Variants in CADPS observed in about 807,000 individuals in gnomAD.
CADPS encodes the protein calcium dependent secretion activator, also known as calcium-dependent secretion activator 1.
A neutral mutation model predicts 167.3 loss-of-function variants in CADPS; 57 were observed. The ratio of observed to expected loss-of-function variants is 0.34; its 90% CI spans 0.28 to 0.42. The LOEUF is 0.42. Ranked by LOEUF, CADPS falls within the 20% of genes least tolerant of loss-of-function variation. CADPS has a pLI of 1.00. For missense variants in CADPS, 1,414 were observed against 1,738.1 expected, an observed-to-expected ratio of 0.81 and a Z score of 3.32; for synonymous variants, 676 against 635.3, an observed-to-expected ratio of 1.06 and a Z score of -0.96.
intron 3 of CADPS, among the ~76,000 whole-genome samples, chr3:62,675,083 C>T (rs1477358128): frequency 6.6e-6 from 1 of 152,060 alleles, no homozygotes; most frequent in East Asian, 1.9e-4. Context: ...TTATGGGGGA[C>T]TCTCTTCCAC....
At chr3:62,748,208 T>C (rs1375561363) in intron 3 of CADPS, among the ~76,000 whole-genome samples, 1 of 144,810 alleles carries the variant, frequency 6.9e-6, no homozygotes, top group Middle Eastern at 3.6e-3. Context: ...TAGCCGGGCA[T>C]GGTGGCAGGC....
At chr3:62,442,648 C>T (rs75189942) in intron 27 of CADPS, among the ~76,000 whole-genome samples, 5,829 of 152,204 alleles carry the variant, frequency 0.038, 175 homozygotes, top group Non-Finnish European at 0.054. Context: ...TCATTGAAGG[C>T]GGAGTTGGAG....
intron 3 of CADPS, among the ~76,000 whole-genome samples, chr3:62,710,642 A>T (rs9823880): frequency 4.0e-5 from 6 of 151,782 alleles, no homozygotes; most frequent in African/African-American, 9.7e-5. Flanking sequence ...AGTTTTAAAA[A>T]CTCCCCAGGT....
chr3:62,488,260 A>T (rs573035692), intron 21 of CADPS, among the ~76,000 whole-genome samples: 1 of 152,322 alleles, frequency 6.6e-6, no homozygotes, highest in South Asian at 2.1e-4. Flanking sequence ...ACCAATAAGT[A>T]GTCAGATGGA....
intron 28 of CADPS, among the ~76,000 whole-genome samples, chr3:62,418,634 C>G (rs1035180574): frequency 2.6e-5 from 4 of 151,648 alleles, no homozygotes; most frequent in African/African-American, 9.7e-5. Flanking sequence ...AGCCACCAAG[C>G]CCGGCTGATA....
At chr3:62,488,357 T>A (rs1333189265) in intron 21 of CADPS, among the ~76,000 whole-genome samples, 1 of 152,234 alleles carries the variant, frequency 6.6e-6, no homozygotes, top group Non-Finnish European at 1.5e-5. Flanking sequence ...AGCTCTTTTT[T>A]ACACTCCATT....
At chr3:62,418,764 C>T (rs1040128124) in intron 28 of CADPS, among the ~76,000 whole-genome samples, 4 of 152,166 alleles carry the variant, frequency 2.6e-5, no homozygotes, top group East Asian at 1.9e-4. Flanking sequence ...TCAAAATATA[C>T]CTTCCCCCCT....
chr3:62,417,072 C>A (rs1465471151), intron 28 of CADPS, among the ~76,000 whole-genome samples: 1 of 151,836 alleles, frequency 6.6e-6, no homozygotes, highest in Non-Finnish European at 1.5e-5. Context: ...TTTCTAGCTT[C>A]GCATTTTTCA....
intron 3 of CADPS, among the ~76,000 whole-genome samples, chr3:62,701,619 A>AAAG (rs1554091995): frequency 2.0e-5 from 3 of 151,304 alleles, no homozygotes; most frequent in Admixed American, 1.3e-4. Context: ...AAAAAAAAAA[A>AAAG]AAAGAAAGAA....
At chr3:62,453,244 G>A (rs2058291515) in intron 26 of CADPS, among the ~76,000 whole-genome samples, 1 of 152,076 alleles carries the variant, frequency 6.6e-6, no homozygotes, top group South Asian at 2.1e-4. Context: ...AAAGGACTAG[G>A]ACAGAGAGCT....
chr3:62,640,894 G>A (rs190003129), intron 6 of CADPS, among the ~76,000 whole-genome samples: 1 of 151,856 alleles, frequency 6.6e-6, no homozygotes, highest in Non-Finnish European at 1.5e-5. Context: ...ATATAATTTT[G>A]GAATATATTT....
intron 24 of CADPS, among the ~76,000 whole-genome samples, chr3:62,468,044 G>A (rs190203227): frequency 2.6e-5 from 4 of 152,080 alleles, no homozygotes; most frequent in South Asian, 2.1e-4. Context: ...TTGTAGTCCC[G>A]TTGAATCAGA....
intron 6 of CADPS, among the ~76,000 whole-genome samples, chr3:62,599,256 G>T (rs181422436): frequency 1.4e-4 from 21 of 151,816 alleles, no homozygotes; most frequent in Non-Finnish European, 1.5e-5. Flanking sequence ...CCTATTCTGT[G>T]ATCCCATCCT....
At chr3:62,593,589 G>T (rs938673801) in intron 6 of CADPS, among the ~76,000 whole-genome samples, 2 of 152,154 alleles carry the variant, frequency 1.3e-5, no homozygotes. Flanking sequence ...CACTCAGGGG[G>T]CAATCTGGAC....
intron 12 of CADPS, 34 bp from the exon 13 acceptor site, chr3:62,533,092 A>G (rs1157007774): frequency 6.3e-7 from 1 of 1,586,646 alleles, no homozygotes; most frequent in South Asian, 1.1e-5. Flanking sequence ...CTTTCTTTTA[A>G]ATACAGGTTG....
At chr3:62,819,887 C>T (rs1468749285) in intron 1 of CADPS, among the ~76,000 whole-genome samples, 3 of 152,118 alleles carry the variant, frequency 2.0e-5, no homozygotes, top group Non-Finnish European at 4.4e-5. Flanking sequence ...GCCCTGTGCA[C>T]TTTTTCCTTT....
intron 3 of CADPS, among the ~76,000 whole-genome samples, chr3:62,706,505 C>T (rs2082328670): frequency 6.6e-6 from 1 of 152,062 alleles, no homozygotes; most frequent in African/African-American, 2.4e-5. Flanking sequence ...GACCGGGTGG[C>T]TTAAACAGCA....
At chr3:62,641,839 G>T (rs1483064547) in intron 6 of CADPS, among the ~76,000 whole-genome samples, 1 of 151,172 alleles carries the variant, frequency 6.6e-6, no homozygotes, top group Non-Finnish European at 1.5e-5. Context: ...ATTTAGCTGA[G>T]AGTATAAGAG....
intron 1 of CADPS, among the ~76,000 whole-genome samples, chr3:62,802,138 A>G (rs772953214): frequency 6.6e-6 from 1 of 152,168 alleles, no homozygotes; most frequent in Non-Finnish European, 1.5e-5. Context: ...AAGCCACAGG[A>G]CACATAAGGC....
Sources: gnomAD v4.1 joint callset for allele counts (sites outside exome capture counted in the v4.1 genomes callset) on GRCh38, gnomAD v4.1.1 for gene constraint, MANE v1.5 for transcripts, NCBI Gene and HGNC (gene_info 2026-07-23, HGNC 2026-07-21) for gene names.